NTRK3: variants seen among roughly 807,000 people sequenced by gnomAD.
NTRK3 encodes the protein neurotrophic receptor tyrosine kinase 3, also known as NT-3 growth factor receptor.
In NTRK3, 24 loss-of-function variants were observed where a neutral mutation model predicts 91.7. That is an observed-to-expected ratio of 0.26 (90% CI 0.19 to 0.37). NTRK3 has a LOEUF of 0.37. Among genes scored for constraint, NTRK3 ranks in the 10% least tolerant of loss-of-function variants. NTRK3 has a pLI of 1.00. For synonymous variants in NTRK3, 483 were observed against 404.0 expected, an observed-to-expected ratio of 1.20 and a Z score of -2.34; for missense variants, 880 against 1,068.9, an observed-to-expected ratio of 0.82 and a Z score of 2.46.
chr15:88,137,294 G>A, intron 7 of NTRK3, 110 bp downstream of exon 7: 2 of 1,263,486 alleles, frequency 1.6e-6, no homozygotes, highest in East Asian at 2.4e-5. Context: ...AAGGCTGGGA[G>A]GGCGTTTCGA....
At chr15:87,905,778 C>T (rs902107122) in intron 17 of NTRK3, among the ~76,000 whole-genome samples, 2 of 152,192 alleles carry the variant, frequency 1.3e-5, no homozygotes, top group Non-Finnish European at 1.5e-5. Flanking sequence ...TTCCAACGTG[C>T]GTGAGCCCCA....
At chr15:88,183,084 T>C (rs140488323) in intron 5 of NTRK3, among the ~76,000 whole-genome samples, 24 of 139,544 alleles carry the variant, frequency 1.7e-4, no homozygotes, top group Middle Eastern at 3.8e-3. Flanking sequence ...CTCAGAAGTA[T>C]AGTATTCACA....
intron 13 of NTRK3, among the ~76,000 whole-genome samples, chr15:88,055,096 T>G (rs2045565484): frequency 6.6e-6 from 1 of 152,178 alleles, no homozygotes; most frequent in Non-Finnish European, 1.5e-5. Flanking sequence ...GAGGGTGTGG[T>G]GCATCCAGTG....
chr15:88,090,435 G>T (rs1425150975), intron 13 of NTRK3, among the ~76,000 whole-genome samples: 2 of 152,180 alleles, frequency 1.3e-5, no homozygotes, highest in Non-Finnish European at 2.9e-5. Context: ...AGGACAGCGT[G>T]CCCTAGGCAA....
chr15:87,912,190 A>G (rs1201597459), intron 17 of NTRK3, among the ~76,000 whole-genome samples: 2 of 152,160 alleles, frequency 1.3e-5, no homozygotes, highest in African/African-American at 4.8e-5. Flanking sequence ...TGCTGCGTTG[A>G]CTAGGCTTGG....
At chr15:88,193,264 C>G (rs980063220) in intron 3 of NTRK3, among the ~76,000 whole-genome samples, 3 of 152,160 alleles carry the variant, frequency 2.0e-5, no homozygotes, top group African/African-American at 7.2e-5. Flanking sequence ...CTGGGGAGAG[C>G]TGTGGCCCCG....
chr15:88,067,449 AT>A (rs1007051191), intron 13 of NTRK3, among the ~76,000 whole-genome samples: 4 of 151,580 alleles, frequency 2.6e-5, no homozygotes, highest in Non-Finnish European at 2.9e-5. Context: ...ATGACTGCCT[AT>A]TTTTTTTAAC....
At chr15:88,008,095 G>C (rs533984249) in intron 14 of NTRK3, among the ~76,000 whole-genome samples, 1 of 152,112 alleles carries the variant, frequency 6.6e-6, no homozygotes, top group Admixed American at 6.5e-5. Context: ...GTCCCCTGAA[G>C]CAAAGTAACT....
At chr15:88,044,635 T>A (rs1249580743) in intron 13 of NTRK3, among the ~76,000 whole-genome samples, 3 of 136,078 alleles carry the variant, frequency 2.2e-5, no homozygotes, top group African/African-American at 8.3e-5. Flanking sequence ...AGGTCTAGAA[T>A]GAACACACTT....
chr15:87,958,202 G>C (rs182836212), intron 14 of NTRK3, among the ~76,000 whole-genome samples: 102 of 152,290 alleles, frequency 6.7e-4, no homozygotes, highest in Middle Eastern at 6.8e-3. Flanking sequence ...TGAAGATTCA[G>C]AAGGGCAGTG....
intron 5 of NTRK3, among the ~76,000 whole-genome samples, chr15:88,166,633 G>A (rs2044986260): frequency 6.6e-6 from 1 of 152,204 alleles, no homozygotes; most frequent in South Asian, 2.1e-4. Flanking sequence ...TCCCTCCCAA[G>A]AAGAAACAAT....
chr15:88,100,763 G>A (rs2050089669), intron 13 of NTRK3, among the ~76,000 whole-genome samples: 1 of 152,066 alleles, frequency 6.6e-6, no homozygotes, highest in East Asian at 1.9e-4. Context: ...CAAGAAATGG[G>A]GAAACGATTC....
rs984768653 is a variant in NTRK3 at position 87,925,742 on chromosome 15, T to C, written c.2133+3449A>G. On this transcript the variant is annotated intron_variant, in intron 17 of 18. Coordinates refer to ENST00000394480, the Ensembl canonical transcript of NTRK3. Reference sequence around the variant, plus strand: ...TTCATGAGCAGTATTTCCATACATGTTGAAACCTTAAGAAAGACATTTTCC... The same window carrying C: ...TTCATGAGCAGTATTTCCATACATGCTGAAACCTTAAGAAAGACATTTTCC... The C allele has an allele frequency of 2.2e-5, 4 of 180,044 alleles. No homozygotes were observed. The East Asian group carries it at 2.7e-4, about 12-fold the overall frequency. The allele number at this position is 180,044 out of a possible 1,614,324, so 11.2% of individuals were successfully genotyped here. A position where few individuals can be genotyped will look rare whatever the true frequency, so the allele number is the denominator to read the frequency against.
chr15:87,974,909 T>C (rs1164456499), intron 14 of NTRK3, among the ~76,000 whole-genome samples: 1 of 152,058 alleles, frequency 6.6e-6, no homozygotes, highest in African/African-American at 2.4e-5. Flanking sequence ...TAGGTGGTGT[T>C]TCACAATCAT....
chr15:88,162,784 C>G (rs549918041), intron 5 of NTRK3, among the ~76,000 whole-genome samples: 34 of 152,276 alleles, frequency 2.2e-4, no homozygotes, highest in Middle Eastern at 3.4e-3. Context: ...CCCCAGCTTC[C>G]TCCTCTTTCT....
chr15:87,861,683 G>T (rs549588094), exon 19 of NTRK3: 1 of 195,162 alleles, frequency 5.1e-6, no homozygotes, highest in East Asian at 8.0e-5. Context: ...TGTTTGTAGG[G>T]CATTTGCCTT....
At chr15:88,035,920 G>C (rs2079032794) in intron 13 of NTRK3, among the ~76,000 whole-genome samples, 1 of 152,084 alleles carries the variant, frequency 6.6e-6, no homozygotes, top group South Asian at 2.1e-4. Context: ...TTAAAGGAGA[G>C]TGGAAGATAA....
chr15:87,996,175 C>T (rs560611983), intron 14 of NTRK3, among the ~76,000 whole-genome samples: 96 of 152,162 alleles, frequency 6.3e-4, no homozygotes, highest in Middle Eastern at 6.8e-3. Context: ...ACCCGGGAGG[C>T]GGAGGTTGCA....
chr15:88,131,540 G>A (rs1365364486), intron 10 of NTRK3, among the ~76,000 whole-genome samples: 1 of 152,208 alleles, frequency 6.6e-6, no homozygotes, highest in Non-Finnish European at 1.5e-5. Flanking sequence ...AAGCCTGACT[G>A]GGGCAGGGGG....
Sources: allele counts gnomAD v4.1 joint callset (sites outside exome capture counted in the v4.1 genomes callset), GRCh38; gene constraint gnomAD v4.1.1; transcripts MANE v1.5; gene names NCBI Gene and HGNC (gene_info 2026-07-23, HGNC 2026-07-21).